SPATA18: variants seen among roughly 807,000 people sequenced by gnomAD.
SPATA18 encodes spermatogenesis associated 18.
A neutral mutation model predicts 68.1 loss-of-function variants in SPATA18; 54 were observed. The observed-to-expected ratio is 0.79, with a 90% CI of 0.64 to 0.99. The LOEUF is 0.99. Among genes scored for constraint, SPATA18 ranks in the 50% least tolerant of loss-of-function variants. The probability of loss-of-function intolerance (pLI) is 0.00; values close to 1 mark genes in which losing one functional copy is unlikely to be tolerated. For missense variants in SPATA18, 724 were observed against 681.1 expected, an observed-to-expected ratio of 1.06 and a Z score of -0.70; for synonymous variants, 242 against 244.8, an observed-to-expected ratio of 0.99 and a Z score of 0.11.
At chr4:52,081,549 A>T (rs1324760943) in intron 9 of SPATA18, among the ~76,000 whole-genome samples, 1 of 152,174 alleles carries the variant, frequency 6.6e-6, no homozygotes, top group African/African-American at 2.4e-5. Flanking sequence ...ACTGGCCTAG[A>T]GGGACTAACA....
In SPATA18 at chr4:52,096,695, A is replaced by G. The variant is rs765853999; in HGVS notation, c.*1808A>G. The G allele has an allele frequency of 3.3e-5, 5 of 152,118 alleles. No homozygotes were observed. The highest frequency in any genetic ancestry group is 5.9e-5 in the Non-Finnish European group (4 of 68,020). The allele number at this position is 152,118 out of a possible 1,614,324, so 9.4% of individuals were successfully genotyped here. A position where few individuals can be genotyped will look rare whatever the true frequency, so the allele number is the denominator to read the frequency against. On this transcript the variant is annotated 3_prime_UTR_variant, in exon 13 of 13. Transcript: ENST00000295213. ...AATCAATGTGTGTATTGGCAACAGA[A>G]AATCACGGTGTTGTCATTGGATGTG...
At chr4:52,059,699 T>C (rs1661210693) in intron 1 of SPATA18, among the ~76,000 whole-genome samples, 1 of 152,240 alleles carries the variant, frequency 6.6e-6, no homozygotes, top group South Asian at 2.1e-4. Context: ...GCAGAGTAAC[T>C]GGCTATTCAT....
chr4:52,094,952 T>G lies in SPATA18; in HGVS notation c.*65T>G. On this transcript the variant is annotated 3_prime_UTR_variant, in exon 13 of 13. Transcript: ENST00000295213. ...AGCTGCTTTCTCCAGTGCCGCCATC[T>G]GTCTTCTGTGTCTGCCTCAGACCTC... 1.9e-6 allele frequency: 3 copies of G among 1,583,010 alleles called. No individual in the cohort carries two copies. The highest frequency in any genetic ancestry group is 2.6e-6 in the Non-Finnish European group (3 of 1,151,750).
chr4:52,089,909 T>C (rs1037648920), intron 11 of SPATA18, among the ~76,000 whole-genome samples: 1 of 152,222 alleles, frequency 6.6e-6, no homozygotes, highest in Non-Finnish European at 1.5e-5. Context: ...TATTATTGTG[T>C]GGGAGTATAA....
intron 11 of SPATA18, among the ~76,000 whole-genome samples, chr4:52,087,038 T>C (rs1741497304): frequency 6.6e-6 from 1 of 152,248 alleles, no homozygotes; most frequent in Admixed American, 6.5e-5. Context: ...ATTTTTTTCA[T>C]ATGTCTGTTG....
intron 11 of SPATA18, among the ~76,000 whole-genome samples, chr4:52,091,305 A>G (rs532372648): frequency 6.6e-6 from 1 of 152,226 alleles, no homozygotes; most frequent in Admixed American, 6.5e-5. Flanking sequence ...CATCAAACTC[A>G]TTCTCCATCC....
intron 8 of SPATA18, 46 bp downstream of exon 8, chr4:52,078,939 C>A: frequency 1.1e-5 from 16 of 1,507,294 alleles, no homozygotes; most frequent in Non-Finnish European, 1.4e-5. Flanking sequence ...GCTGCTGCTG[C>A]AGTTTATATT....
At chr4:52,068,341 A>G (rs1441589214) in intron 4 of SPATA18, among the ~76,000 whole-genome samples, 1 of 152,146 alleles carries the variant, frequency 6.6e-6, no homozygotes, top group Non-Finnish European at 1.5e-5. Flanking sequence ...TTCTCATTTA[A>G]AAAATATACC....
intron 11 of SPATA18, among the ~76,000 whole-genome samples, chr4:52,090,630 A>G (rs1480101542): frequency 6.6e-6 from 1 of 152,190 alleles, no homozygotes; most frequent in African/African-American, 2.4e-5. Context: ...TCTGGCTTGT[A>G]GGTTTTCTGC....
chr4:52,069,451 A>G (rs1404871888), intron 4 of SPATA18, among the ~76,000 whole-genome samples: 1 of 152,180 alleles, frequency 6.6e-6, no homozygotes, highest in East Asian at 1.9e-4. Flanking sequence ...ATTATAGAAA[A>G]GTGGAGATTT....
At chr4:52,075,518 T>G (rs1740259528) in intron 6 of SPATA18, among the ~76,000 whole-genome samples, 1 of 152,188 alleles carries the variant, frequency 6.6e-6, no homozygotes, top group African/African-American at 2.4e-5. Context: ...ACTTATAAAA[T>G]GTATGGCCAG....
chr4:52,084,898 T>C lies in SPATA18; in HGVS notation c.1480-18T>C, dbSNP rs1741280660. Reference sequence around the variant, plus strand: ...CAAACTCCTGACTATGTCTCTCTCTTTCTCTCTCTTTTTTAAGTGGAATTC... The same window carrying C: ...CAAACTCCTGACTATGTCTCTCTCTCTCTCTCTCTTTTTTAAGTGGAATTC... On this transcript the variant is annotated intron_variant, in intron 10 of 12. Coordinates refer to ENST00000295213, the MANE Select transcript of SPATA18 (RefSeq NM_145263.4). 2 of 1,612,350 alleles carry C rather than the reference T, an allele frequency of 1.2e-6. No individual in the cohort carries two copies. Among genetic ancestry groups the C allele is most frequent in the South Asian group, 2.2e-5 (2 of 90,994 alleles).
chr4:52,080,820 C>T (rs544585278), intron 9 of SPATA18, among the ~76,000 whole-genome samples: 2 of 152,156 alleles, frequency 1.3e-5, no homozygotes, highest in Non-Finnish European at 2.9e-5. Context: ...GAAGTGGGTG[C>T]CCAGGAAATA....
At chr4:52,072,266 C>G in intron 6 of SPATA18, 110 bp downstream of exon 6, 1 of 1,477,074 alleles carries the variant, frequency 6.8e-7, no homozygotes. Flanking sequence ...ACCAAAACCT[C>G]AGCAATCTGC....
At chr4:52,082,834 A>G (rs1415023187) in intron 10 of SPATA18, 2 of 985,134 alleles carry the variant, frequency 2.0e-6, no homozygotes, top group East Asian at 1.1e-4. Flanking sequence ...GAGGATTGCC[A>G]TAATCCTAAG....
At chr4:52,078,590 C>T (rs1042855222) in intron 7 of SPATA18, 145 bp from the exon 8 acceptor site, 38 of 609,906 alleles carry the variant, frequency 6.2e-5, no homozygotes, top group Non-Finnish European at 6.1e-5. Flanking sequence ...TATTTTCTTC[C>T]AGACTAAAAA....
In SPATA18 at chr4:52,073,455, A is replaced by T. The variant is rs192500076; in HGVS notation, c.758+1299A>T. On this transcript the variant is annotated intron_variant, in intron 6 of 12. Coordinates refer to ENST00000295213, the MANE Select transcript of SPATA18 (RefSeq NM_145263.4). ...ACTTCCACATGTATTTGCTCATCTG[A>T]CCTTCCAATCCCCACCTCCACCCTA... 1.2e-3 allele frequency among the ~76,000 whole-genome samples: 188 copies of T among 152,212 alleles called. 2 individuals are homozygous for T. The highest frequency in any genetic ancestry group is 9.7e-4 in the Non-Finnish European group (66 of 68,008).
chr4:52,073,373 T>A (rs1229556230), intron 6 of SPATA18, among the ~76,000 whole-genome samples: 1 of 152,192 alleles, frequency 6.6e-6, no homozygotes, highest in African/African-American at 2.4e-5. Context: ...ATAATTTACT[T>A]CGTACTTGAG....
At position 52,056,791 on chromosome 4, in the gene SPATA18, T is replaced by C. The variant is rs537998169; in HGVS notation, c.88-3628T>C. 2.0e-5 allele frequency among the ~76,000 whole-genome samples: 3 copies of C among 152,290 alleles called. No homozygotes were observed. In the South Asian group the frequency reaches 6.2e-4, roughly 32 times the overall value. ...ACCAGACTCACCCTGTGACCCAAAGTCTATCTGGTCTGCTTTTGCCAGACA... is the reference window on the plus strand; with the variant it reads ...ACCAGACTCACCCTGTGACCCAAAGCCTATCTGGTCTGCTTTTGCCAGACA... On this transcript the variant is annotated intron_variant, in intron 1 of 12. Transcript: ENST00000295213.
Sources: gnomAD v4.1 joint callset for allele counts (sites outside exome capture counted in the v4.1 genomes callset) on GRCh38, gnomAD v4.1.1 for gene constraint, MANE v1.5 for transcripts, NCBI Gene and HGNC (gene_info 2026-07-23, HGNC 2026-07-21) for gene names.